PDZD2: variants seen among roughly 807,000 people sequenced by gnomAD.
PDZD2 encodes the protein PDZ domain containing 2, also known as PDZ domain-containing protein 2.
A neutral mutation model predicts 220.7 loss-of-function variants in PDZD2; 90 were observed. The ratio of observed to expected loss-of-function variants is 0.41; its 90% CI spans 0.34 to 0.49. The LOEUF (loss-of-function observed/expected upper bound fraction) is 0.49. Among genes scored for constraint, PDZD2 ranks in the 20% least tolerant of loss-of-function variants. The pLI is 0.28. For missense variants in PDZD2, 3,174 were observed against 3,608.5 expected, an observed-to-expected ratio of 0.88 and a Z score of 3.08; for synonymous variants, 1,375 against 1,450.5, an observed-to-expected ratio of 0.95 and a Z score of 1.18.
intron 1 of PDZD2, among the ~76,000 whole-genome samples, chr5:31,642,734 G>A (rs1041574029): frequency 1.3e-5 from 2 of 152,206 alleles, no homozygotes; most frequent in Non-Finnish European, 2.9e-5. Context: ...GAACAATCCT[G>A]GCATCTGCCT....
intron 1 of PDZD2, among the ~76,000 whole-genome samples, chr5:31,693,789 C>G (rs1252729698): frequency 1.3e-5 from 2 of 152,156 alleles, no homozygotes. Context: ...AGTCTCTATT[C>G]AGGAGCTGGG....
chr5:32,061,069 G>T lies in PDZD2; in HGVS notation c.2386G>T (p.Ala796Ser). Residue 796 changes from alanine to serine, a missense_variant, in exon 14 of 25, where the codon GCC becomes TCC. Around this residue, in one of 4 missense-constraint regions of PDZD2, gnomAD observed 1,861 missense variants for 2,001.0 expected, o/e 0.93. Transcript: ENST00000438447. ...CCATGCTGCTTTAAGCAAAGTCCAC[G>T]CCATCTTGAGTAAATGCCCTCCAGG... ...VRHAALSKVH[A>S]ILSKCPPGPV... 1 of 1,614,100 alleles carries T rather than the reference G, an allele frequency of 6.2e-7. No individual in the cohort carries two copies. Among genetic ancestry groups the T allele is most frequent in the Non-Finnish European group, 8.5e-7 (1 of 1,179,974 alleles).
Position 32,063,563 on chromosome 5 carries a change from A to G in PDZD2, c.2451+2429A>G, listed in dbSNP as rs73753916. ...GCTGCCAGGCATCAACAGACGGACT[A>G]TCCTTCCCTGTCTCCCTCCAGCCAG... is the stretch of plus-strand genomic sequence containing the variant. On this transcript the variant is annotated intron_variant, in intron 14 of 24. Coordinates refer to ENST00000438447, the MANE Select transcript of PDZD2 (RefSeq NM_178140.4). Among the ~76,000 whole-genome samples, 776 of 152,236 alleles carry G rather than the reference A, an allele frequency of 5.1e-3. 8 individuals are homozygous for G. Among genetic ancestry groups the G allele is most frequent in the African/African-American group, 0.017 (714 of 41,528 alleles).
At chr5:31,902,366 G>T (rs942791958) in intron 2 of PDZD2, among the ~76,000 whole-genome samples, 43 of 151,874 alleles carry the variant, frequency 2.8e-4, no homozygotes, top group Admixed American at 5.2e-4. Flanking sequence ...TCCTGGGTTT[G>T]TTGTCCATTT....
At chr5:31,865,138 C>T (rs1047791276) in intron 2 of PDZD2, among the ~76,000 whole-genome samples, 5 of 151,986 alleles carry the variant, frequency 3.3e-5, no homozygotes, top group African/African-American at 1.2e-4. Flanking sequence ...TGAACCATCG[C>T]GCCCAGCTGA....
rs1478442214 is a variant in PDZD2, at chr5:32,109,053, C to A, written c.*918C>A. 6.6e-6 allele frequency: 1 copy of A among 151,526 alleles called. No individual in the cohort carries two copies. Among genetic ancestry groups the A allele is most frequent in the Non-Finnish European group, 1.5e-5 (1 of 67,694 alleles). The allele number at this position is 151,526 out of a possible 1,614,324, so 9.4% of individuals were successfully genotyped here. A position where few individuals can be genotyped will look rare whatever the true frequency, so the allele number is the denominator to read the frequency against. On this transcript the variant is annotated 3_prime_UTR_variant, in exon 25 of 25. Transcript: ENST00000438447. ...AAAAATATCACAAGTCAGTCAGTCA[C>A]TGGGTTTCCATTTCTGAATTTTATG...
At chr5:31,869,437 C>A (rs1000615011) in intron 2 of PDZD2, among the ~76,000 whole-genome samples, 4 of 152,106 alleles carry the variant, frequency 2.6e-5, no homozygotes, top group African/African-American at 9.7e-5. Flanking sequence ...GTGGCGGGCG[C>A]CTGTAGTCCC....
At position 31,997,647 on chromosome 5, in the gene PDZD2, C is replaced by G. The variant is rs143665919; in HGVS notation, c.1121+1929C>G. Among the ~76,000 whole-genome samples, 304 of 152,284 alleles carry G rather than the reference C, an allele frequency of 2.0e-3. 2 individuals are homozygous for G. The highest frequency in any genetic ancestry group is 6.6e-3 in the African/African-American group (275 of 41,558). On this transcript the variant is annotated intron_variant, in intron 4 of 24. Coordinates refer to ENST00000438447, the MANE Select transcript of PDZD2 (RefSeq NM_178140.4). Reference sequence around the variant, plus strand: ...ATTCCTGTGCCCAGAGATAAACTTACAAAGAACTGTTCTTGTCTATTTTCC... The same window carrying G: ...ATTCCTGTGCCCAGAGATAAACTTAGAAAGAACTGTTCTTGTCTATTTTCC...
rs560926672 is a variant in PDZD2, at chr5:31,967,826, A to G, written c.477-15329A>G. ...CAAAGCCCCCTGTGATAGGAAATAC[A>G]TGTTTTTGGCTGGTCCAGGGAGCAG... On this transcript the variant is annotated intron_variant, in intron 2 of 24. Coordinates refer to ENST00000438447, the MANE Select transcript of PDZD2 (RefSeq NM_178140.4). 3.9e-5 allele frequency among the ~76,000 whole-genome samples: 6 copies of G among 152,234 alleles called. No individual in the cohort carries two copies. In the South Asian group the frequency reaches 1.2e-3, roughly 32 times the overall value.
intron 6 of PDZD2, among the ~76,000 whole-genome samples, chr5:32,022,200 G>GT (rs112079985): frequency 0.031 from 2,864 of 92,496 alleles, 108 homozygotes; most frequent in African/African-American, 0.097. Context: ...TTTGTTTTTT[G>GT]TTTTTTTTTG....
intron 1 of PDZD2, among the ~76,000 whole-genome samples, chr5:31,761,635 C>T (rs1296860905): frequency 2.6e-5 from 4 of 151,554 alleles, no homozygotes; most frequent in Non-Finnish European, 4.4e-5. Context: ...CCAAGGTGGG[C>T]GGATCACCTG....
At chr5:31,912,198 A>G (rs947654179) in intron 2 of PDZD2, among the ~76,000 whole-genome samples, 1 of 152,200 alleles carries the variant, frequency 6.6e-6, no homozygotes, top group Non-Finnish European at 1.5e-5. Flanking sequence ...TCCAAGATCC[A>G]GGTATTAGCT....
chr5:31,871,823 A>T (rs62361600), intron 2 of PDZD2, among the ~76,000 whole-genome samples: 1 of 149,788 alleles, frequency 6.7e-6, no homozygotes, highest in East Asian at 2.0e-4. Context: ...TTTTGTTTGT[A>T]TTTGTTTTTG....
At chr5:31,733,595 C>G (rs1410776662) in intron 1 of PDZD2, among the ~76,000 whole-genome samples, 1 of 152,186 alleles carries the variant, frequency 6.6e-6, no homozygotes, top group Non-Finnish European at 1.5e-5. Flanking sequence ...GGCACATGCT[C>G]TCAGCTGGGG....
chr5:31,975,703 C>T (rs1006106978), intron 2 of PDZD2, among the ~76,000 whole-genome samples: 1 of 151,986 alleles, frequency 6.6e-6, no homozygotes, highest in Non-Finnish European at 1.5e-5. Context: ...TATGCCTAAG[C>T]CCTGGCTTGC....
intron 3 of PDZD2, among the ~76,000 whole-genome samples, chr5:31,988,303 C>T (rs1750871989): frequency 6.6e-6 from 1 of 152,218 alleles, no homozygotes; most frequent in African/African-American, 2.4e-5. Context: ...CTGTCTGCCT[C>T]CATCTCTCAC....
At chr5:32,029,650 C>A (rs1754972481) in intron 6 of PDZD2, among the ~76,000 whole-genome samples, 1 of 152,142 alleles carries the variant, frequency 6.6e-6, no homozygotes. Flanking sequence ...TAGAAGCAGA[C>A]CTGACCAACC....
chr5:31,769,054 T>A (rs2150195716), intron 1 of PDZD2, among the ~76,000 whole-genome samples: 1 of 152,302 alleles, frequency 6.6e-6, no homozygotes, highest in Middle Eastern at 3.4e-3. Flanking sequence ...GGGGATGGAA[T>A]TCGGTTTGCA....
At chr5:31,781,225 C>A (rs2150209582) in intron 1 of PDZD2, among the ~76,000 whole-genome samples, 1 of 152,292 alleles carries the variant, frequency 6.6e-6, no homozygotes. Flanking sequence ...GCCAGCCTGG[C>A]CAACGTGGTA....
Sources: allele counts gnomAD v4.1 joint callset (sites outside exome capture counted in the v4.1 genomes callset), GRCh38; gene constraint gnomAD v4.1.1; regional missense constraint gnomAD v4.1.1; transcripts MANE v1.5; gene names NCBI Gene and HGNC (gene_info 2026-07-23, HGNC 2026-07-21).